ARHGEF33: variants seen among roughly 807,000 people sequenced by gnomAD.
ARHGEF33 encodes Rho guanine nucleotide exchange factor 33.
ARHGEF33 carries 72 observed loss-of-function variants against 101.9 expected under a neutral mutation model. The observed-to-expected ratio is 0.71, with a 90% CI of 0.58 to 0.86. The LOEUF (loss-of-function observed/expected upper bound fraction) is 0.86. ARHGEF33 is among the 40% of genes least tolerant of loss of function. The pLI, the probability that ARHGEF33 is intolerant of heterozygous loss-of-function variation, is 0.00. For missense variants in ARHGEF33, 1,169 were observed against 1,111.3 expected, an observed-to-expected ratio of 1.05 and a Z score of -0.74; for synonymous variants, 499 against 442.5, an observed-to-expected ratio of 1.13 and a Z score of -1.60.
chr2:38,959,930 A>G lies in ARHGEF33; in HGVS notation c.1625A>G (p.Glu542Gly), dbSNP rs1342366204. ...GGGAAGCCCAGTGACTGGGAGCTGG[A>G]GGGCAGGAAGCACGAGCGGCCCGAG... ...QPGKPSDWEL[E>G]GRKHERPESL... Residue 542 changes from glutamate (E) to glycine (G), a missense_variant, in exon 16 of 18, where the codon GAG (glutamate) becomes GGG (glycine). Coordinates refer to ENST00000409978, the MANE Select transcript of ARHGEF33 (RefSeq NM_001145451.5). 6.4e-7 allele frequency: 1 copy of G among 1,551,734 alleles called. No homozygotes were observed. Among genetic ancestry groups the G allele is most frequent in the Admixed American group, 2.0e-5 (1 of 51,016 alleles).
intron 1 of ARHGEF33, among the ~76,000 whole-genome samples, chr2:38,891,473 T>G (rs1247047345): frequency 6.6e-6 from 1 of 152,066 alleles, no homozygotes; most frequent in Non-Finnish European, 1.5e-5. Flanking sequence ...TTTTAGAATC[T>G]TCAGAAACCA....
Position 38,973,834 on chromosome 2 carries a change from A to G in ARHGEF33, c.2604A>G (p.Thr868=). Residue 868 remains threonine, a synonymous_variant, in exon 18 of 18, where the codon ACA becomes ACG. Transcript: ENST00000409978. ...TTGCAAATGACCTTGACCAAGGAAC[A>G]GCTGTGTAAAACATACTTAAAGTTG... ...LALANDLDQG[T]AV 1 of 1,547,246 alleles carries G rather than the reference A, an allele frequency of 6.5e-7. No homozygotes were observed. The highest frequency in any genetic ancestry group is 8.7e-7 in the Non-Finnish European group (1 of 1,145,296).
intron 10 of ARHGEF33, among the ~76,000 whole-genome samples, chr2:38,944,467 C>T (rs1390838522): frequency 6.6e-6 from 1 of 152,136 alleles, no homozygotes; most frequent in East Asian, 1.9e-4. Flanking sequence ...CCTAAACACC[C>T]ACCATAGGCT....
rs1213541403 is a variant in ARHGEF33 at position 38,960,574 on chromosome 2, C to T, written c.2269C>T (p.Arg757Cys). 6.2e-6 allele frequency: 8 copies of T among 1,291,788 alleles called. No individual in the cohort carries two copies. The highest frequency in any genetic ancestry group is 2.1e-4 in the Middle Eastern group (1 of 4,840). The allele number at this position is 1,291,788 out of a possible 1,614,324, so 80.0% of individuals were successfully genotyped here. A position where few individuals can be genotyped will look rare whatever the true frequency, so the allele number is the denominator to read the frequency against. The change falls in exon 16 of 18, where the codon CGC becomes TGC. Residue 757 changes from arginine to cysteine, a missense_variant. Coordinates refer to ENST00000409978, the MANE Select transcript of ARHGEF33 (RefSeq NM_001145451.5). ...HGPAAAAVAA[R>C]GASRTFFPQQ... ...CCCGGCCGCCGCCGCCGTCGCCGCC[C>T]GCGGCGCATCCAGGACCTTCTTCCC... is the stretch of plus-strand genomic sequence containing the variant.
rs957841550 is a variant in ARHGEF33 at position 38,975,313 on chromosome 2, T to G, written c.*1470T>G. On this transcript the variant is annotated 3_prime_UTR_variant, in exon 18 of 18. Coordinates refer to ENST00000409978, the MANE Select transcript of ARHGEF33 (RefSeq NM_001145451.5). ...AGCCAAGATTTTTGTTTCCCAGAAG[T>G]TTATGAATTCATTTGAAATTAGATT... 6.6e-6 allele frequency: 1 copy of G among 152,260 alleles called. No homozygotes were observed. Among genetic ancestry groups the G allele is most frequent in the Non-Finnish European group, 1.5e-5 (1 of 68,044 alleles). The allele number at this position is 152,260 out of a possible 1,614,324, so 9.4% of individuals were successfully genotyped here.
In ARHGEF33 at chr2:38,960,278, G is replaced by A; in HGVS notation, c.1973G>A (p.Arg658Gln). 6.5e-7 allele frequency: 1 copy of A among 1,547,456 alleles called. No homozygotes were observed. Among genetic ancestry groups the A allele is most frequent in the Non-Finnish European group, 8.7e-7 (1 of 1,146,184 alleles). The change falls in exon 16 of 18, where the codon CGG (arginine) becomes CAG (glutamine). Residue 658 changes from arginine to glutamine, a missense_variant. By Grantham distance (43) the Arg-to-Gln change is conservative. Transcript: ENST00000409978. Reference protein sequence around the residue: ...SESSLDICFLRPVSFAMEAER... With the variant: ...SESSLDICFLQPVSFAMEAER... ...TCCAGCCTGGACATCTGCTTCCTGC[G>A]GCCCGTCAGCTTCGCCATGGAGGCC...
intron 9 of ARHGEF33, among the ~76,000 whole-genome samples, chr2:38,940,967 C>G (rs953177664): frequency 6.0e-5 from 9 of 149,588 alleles, no homozygotes; most frequent in African/African-American, 2.2e-4. Flanking sequence ...TGGAGTCAGT[C>G]AGCTTCCAGA....
chr2:38,923,740 T>C (rs1254667715), intron 4 of ARHGEF33, among the ~76,000 whole-genome samples: 1 of 152,220 alleles, frequency 6.6e-6, no homozygotes, highest in Non-Finnish European at 1.5e-5. Flanking sequence ...CCAAACAGTG[T>C]TGGAAAGATT....
At chr2:38,967,982 C>T (rs1668089078) in intron 17 of ARHGEF33, among the ~76,000 whole-genome samples, 1 of 132,204 alleles carries the variant, frequency 7.6e-6, no homozygotes, top group Admixed American at 8.3e-5. Context: ...AGTATTCCCA[C>T]AACAAACAGC....
chr2:38,969,514 G>A (rs1425382961), intron 17 of ARHGEF33: 1 of 169,284 alleles, frequency 5.9e-6, no homozygotes, highest in Non-Finnish European at 1.5e-5. Flanking sequence ...TTCCCTCTGA[G>A]GCTGGGAGGG....
intron 16 of ARHGEF33, among the ~76,000 whole-genome samples, chr2:38,961,693 A>G (rs768049304): frequency 1.3e-5 from 2 of 152,124 alleles, no homozygotes; most frequent in East Asian, 1.9e-4. Context: ...ACCAGTCTCT[A>G]TCCTCCGGGA....
At chr2:38,925,359 A>G (rs1329217851) in intron 4 of ARHGEF33, among the ~76,000 whole-genome samples, 1 of 152,216 alleles carries the variant, frequency 6.6e-6, no homozygotes, top group Non-Finnish European at 1.5e-5. Flanking sequence ...TGCCATTGAA[A>G]GTTTTCTAGG....
At position 38,931,271 on chromosome 2, in the gene ARHGEF33, C is replaced by T; in HGVS notation, c.505+20C>T. ...AGAAAGGTACAGTTCACAAATCATA[C>T]TGAATTAATCAAGTATTTTTTTCCC... On this transcript the variant is annotated intron_variant, in intron 7 of 17. Transcript: ENST00000409978. 4 of 1,527,262 alleles carry T rather than the reference C, an allele frequency of 2.6e-6. No homozygotes were observed. The highest frequency in any genetic ancestry group is 3.5e-6 in the Non-Finnish European group (4 of 1,138,666). 94.6% of individuals were successfully genotyped at this position (1,527,262 alleles called of 1,614,324 possible).
At position 38,929,090 on chromosome 2, in the gene ARHGEF33, T is replaced by G; in HGVS notation, c.240+19T>G. 1 of 1,536,836 alleles carries G rather than the reference T, an allele frequency of 6.5e-7. No homozygotes were observed. The highest frequency in any genetic ancestry group is 8.8e-7 in the Non-Finnish European group (1 of 1,139,948). ...TTTCAAGGTAGGCCTCTCTTTAATT[T>G]CCCTGCTGACAAGAGAATTTTGGTC... On this transcript the variant is annotated intron_variant, in intron 5 of 17. Coordinates refer to ENST00000409978, the MANE Select transcript of ARHGEF33 (RefSeq NM_001145451.5).
At chr2:38,952,410 G>A (rs748047109) in intron 11 of ARHGEF33, among the ~76,000 whole-genome samples, 1 of 152,108 alleles carries the variant, frequency 6.6e-6, no homozygotes, top group South Asian at 2.1e-4. Context: ...TGTAATTAGT[G>A]GAAATATGCA....
intron 2 of ARHGEF33, among the ~76,000 whole-genome samples, chr2:38,904,707 C>CAAAA (rs34383703): frequency 5.4e-5 from 7 of 128,548 alleles, no homozygotes; most frequent in African/African-American, 9.1e-5. Context: ...GACTCTGTAT[C>CAAAA]AAAAAAAAAA....
Position 38,960,421 on chromosome 2 carries a change from A to C in ARHGEF33, c.2116A>C (p.Ser706Arg). The change falls in exon 16 of 18, where the codon AGC becomes CGC. Residue 706 changes from serine to arginine, a missense_variant. Physicochemically the swap from Ser to Arg is moderately radical, Grantham distance 110. Coordinates refer to ENST00000409978, the MANE Select transcript of ARHGEF33 (RefSeq NM_001145451.5). ...AQAHGKAKPL[S>R]RSLKEFPRAP... ...GGCGCACGGCAAGGCCAAGCCGCTG[A>C]GCCGCTCTCTCAAAGAGTTCCCGCG... 1 of 1,515,456 alleles carries C rather than the reference A, an allele frequency of 6.6e-7. No homozygotes were observed. The allele number at this position is 1,515,456 out of a possible 1,614,324, so 93.9% of individuals were successfully genotyped here.
At chr2:38,950,642 G>T (rs1667576268) in intron 10 of ARHGEF33, among the ~76,000 whole-genome samples, 1 of 152,084 alleles carries the variant, frequency 6.6e-6, no homozygotes, top group Non-Finnish European at 1.5e-5. Flanking sequence ...TAGAGATGGG[G>T]TTTCACCATG....
intron 1 of ARHGEF33, among the ~76,000 whole-genome samples, chr2:38,891,681 A>G (rs1259136573): frequency 6.6e-6 from 1 of 152,180 alleles, no homozygotes; most frequent in Non-Finnish European, 1.5e-5. Context: ...CTTTAAATTC[A>G]TAATTCTTGC....
Sources: gnomAD v4.1 joint callset for allele counts (sites outside exome capture counted in the v4.1 genomes callset) on GRCh38, gnomAD v4.1.1 for gene constraint, MANE v1.5 for transcripts, NCBI Gene and HGNC (gene_info 2026-07-23, HGNC 2026-07-21) for gene names.